GALNTL6: variants seen among roughly 807,000 people sequenced by gnomAD.
The protein encoded by GALNTL6 is polypeptide N-acetylgalactosaminyltransferase-like 6.
In GALNTL6, 46 loss-of-function variants were observed where a neutral mutation model predicts 73.7. The ratio of observed to expected loss-of-function variants is 0.62; its 90% CI spans 0.49 to 0.80. The LOEUF (loss-of-function observed/expected upper bound fraction) is 0.80, where lower values mean the gene tolerates loss of function less well. Ranked by LOEUF, GALNTL6 falls within the 30% of genes least tolerant of loss-of-function variation. GALNTL6 has a pLI of 0.00. For synonymous variants in GALNTL6, 259 were observed against 263.7 expected, an observed-to-expected ratio of 0.98 and a Z score of 0.17; for missense variants, 604 against 755.0, an observed-to-expected ratio of 0.80 and a Z score of 2.34.
In GALNTL6 at chr4:171,832,041, C is replaced by A. The variant is rs551977414; in HGVS notation, c.138+17323C>A. On this transcript the variant is annotated intron_variant, in intron 2 of 12. Transcript: ENST00000506823. The stretch of plus-strand genomic sequence containing the variant: ...ATCTGTCCTTGTCTTATGGTAATAT[C>A]TTTGATCTGGATAATTGATAAATTT... 3.5e-4 allele frequency among the ~76,000 whole-genome samples: 53 copies of A among 151,328 alleles called. 1 individual carries two copies. The highest frequency in any genetic ancestry group is 7.0e-4 in the Non-Finnish European group (47 of 67,538).
intron 8 of GALNTL6, among the ~76,000 whole-genome samples, chr4:172,903,619 G>GT (rs200827624): frequency 6.3e-4 from 95 of 151,534 alleles, no homozygotes; most frequent in African/African-American, 1.7e-3. Context: ...AGAGGCAAAA[G>GT]TTTTTTTTTG....
At chr4:172,775,305 C>T (rs999770501) in intron 5 of GALNTL6, among the ~76,000 whole-genome samples, 1 of 152,112 alleles carries the variant, frequency 6.6e-6, no homozygotes, top group Non-Finnish European at 1.5e-5. Context: ...GGAATCATGG[C>T]TTTTGGATAA....
At chr4:172,427,582 A>G (rs970999779) in intron 5 of GALNTL6, among the ~76,000 whole-genome samples, 15 of 152,178 alleles carry the variant, frequency 9.9e-5, no homozygotes, top group Middle Eastern at 3.2e-3. Flanking sequence ...TGTGCTCAAT[A>G]ATGTTAGGAA....
intron 5 of GALNTL6, among the ~76,000 whole-genome samples, chr4:172,524,397 C>T (rs912486995): frequency 2.0e-5 from 3 of 152,098 alleles, no homozygotes; most frequent in Middle Eastern, 6.8e-3. Context: ...TACAGGTATG[C>T]GCCACCATGC....
intron 4 of GALNTL6, among the ~76,000 whole-genome samples, chr4:172,318,656 C>T (rs956070065): frequency 2.6e-5 from 4 of 152,052 alleles, no homozygotes; most frequent in East Asian, 1.9e-4. Context: ...GAGCCAAGAT[C>T]GCACCATTGC....
intron 8 of GALNTL6, among the ~76,000 whole-genome samples, chr4:172,911,548 G>A (rs921479291): frequency 6.6e-6 from 1 of 152,136 alleles, no homozygotes; most frequent in Non-Finnish European, 1.5e-5. Flanking sequence ...TTTTCCTACA[G>A]TATTTAGCCT....
At chr4:172,731,026 G>A (rs1303525225) in intron 5 of GALNTL6, among the ~76,000 whole-genome samples, 1 of 150,178 alleles carries the variant, frequency 6.7e-6, no homozygotes, top group African/African-American at 2.5e-5. Flanking sequence ...GTTGTAGTAA[G>A]CCGAGATCGC....
At position 172,545,201 on chromosome 4, in the gene GALNTL6, TG is replaced by T. The variant is rs373747247; in HGVS notation, c.553+196519del. ...AGACATTACTAAATGTATAATGGGG[TG>T]GGGGGGTAACTAAGGCCCCAGAGGT... On this transcript the variant is annotated intron_variant, in intron 5 of 12. Coordinates refer to ENST00000506823, the MANE Select transcript of GALNTL6 (RefSeq NM_001034845.3). Among the ~76,000 whole-genome samples, 408 of 152,034 alleles carry T rather than the reference TG, an allele frequency of 2.7e-3. 3 individuals are homozygous for T. The highest frequency in any genetic ancestry group is 9.3e-3 in the African/African-American group (384 of 41,474).
intron 3 of GALNTL6, among the ~76,000 whole-genome samples, chr4:172,238,234 A>G (rs1737306281): frequency 1.3e-5 from 2 of 152,282 alleles, no homozygotes; most frequent in Middle Eastern, 3.4e-3. Context: ...ATTCATGAGC[A>G]TGGAGTGTTT....
chr4:172,396,474 G>A (rs1743853693), intron 5 of GALNTL6, among the ~76,000 whole-genome samples: 1 of 152,062 alleles, frequency 6.6e-6, no homozygotes, highest in Non-Finnish European at 1.5e-5. Context: ...CATAGCTGTA[G>A]CTTCCAATAG....
chr4:171,979,538 G>A (rs187023557), intron 2 of GALNTL6, among the ~76,000 whole-genome samples: 48 of 152,230 alleles, frequency 3.2e-4, no homozygotes, highest in African/African-American at 4.6e-4. Context: ...TGGTATCCAC[G>A]GGTAACAGAA....
intron 5 of GALNTL6, among the ~76,000 whole-genome samples, chr4:172,770,384 T>C (rs906837622): frequency 7.9e-5 from 12 of 152,118 alleles, no homozygotes; most frequent in African/African-American, 2.9e-4. Context: ...CTTATTCTTT[T>C]ACTGTGAAGG....
intron 5 of GALNTL6, among the ~76,000 whole-genome samples, chr4:172,559,369 G>A (rs1199818014): frequency 2.0e-5 from 3 of 152,094 alleles, no homozygotes; most frequent in Non-Finnish European, 4.4e-5. Flanking sequence ...TTGAGAACAT[G>A]TGATAATTAA....
intron 2 of GALNTL6, among the ~76,000 whole-genome samples, chr4:172,170,031 A>G (rs2110817603): frequency 6.6e-6 from 1 of 152,336 alleles, no homozygotes; most frequent in East Asian, 1.9e-4. Context: ...ATGACAAAGC[A>G]GGACTTGGAA....
intron 3 of GALNTL6, among the ~76,000 whole-genome samples, chr4:172,263,773 T>A (rs1406256864): frequency 6.6e-6 from 1 of 151,586 alleles, no homozygotes; most frequent in Non-Finnish European, 1.5e-5. Flanking sequence ...TTATGTTAAT[T>A]GAATTTCCTT....
chr4:171,989,038 A>C (rs942973664), intron 2 of GALNTL6, among the ~76,000 whole-genome samples: 8 of 152,052 alleles, frequency 5.3e-5, no homozygotes, highest in Non-Finnish European at 5.9e-5. Context: ...ATAACTAAAA[A>C]GGAGTGCTTA....
At chr4:171,904,084 C>T (rs1310882810) in intron 2 of GALNTL6, among the ~76,000 whole-genome samples, 4 of 152,144 alleles carry the variant, frequency 2.6e-5, no homozygotes, top group Non-Finnish European at 5.9e-5. Flanking sequence ...AAAAGCAGAG[C>T]GCCTCTCCTC....
In GALNTL6 at chr4:172,536,522, CTA is replaced by C. The variant is rs1279950485; in HGVS notation, c.553+187835_553+187836del. ...GGAAGTGGAATAAAGGTGACTCTTG[CTA>C]TGTTTTAGCAAAGAGAATAGCAGCA... On this transcript the variant is annotated intron_variant, in intron 5 of 12. Coordinates refer to ENST00000506823, the MANE Select transcript of GALNTL6 (RefSeq NM_001034845.3). Among the ~76,000 whole-genome samples, 3 of 152,234 alleles carry C rather than the reference CTA, an allele frequency of 2.0e-5. No homozygotes were observed. The East Asian group carries it at 5.8e-4, about 29-fold the overall frequency.
intron 3 of GALNTL6, among the ~76,000 whole-genome samples, chr4:172,232,018 C>A (rs1737086967): frequency 6.6e-6 from 1 of 151,748 alleles, no homozygotes; most frequent in South Asian, 2.1e-4. Context: ...TTTTTTTATT[C>A]ACTGGAGGAT....
Sources: gnomAD v4.1 joint callset for allele counts (sites outside exome capture counted in the v4.1 genomes callset) on GRCh38, gnomAD v4.1.1 for gene constraint, MANE v1.5 for transcripts, NCBI Gene and HGNC (gene_info 2026-07-23, HGNC 2026-07-21) for gene names.